The following UPF1 variants were observed in gnomAD, a reference collection of about 807,000 sequenced individuals.
The protein encoded by UPF1 is UPF1 RNA helicase and ATPase, also known as regulator of nonsense transcripts 1.
A neutral mutation model predicts 129.2 loss-of-function variants in UPF1; 9 were observed. The ratio of observed to expected loss-of-function variants is 0.07; its 90% CI spans 0.04 to 0.12. The LOEUF is 0.12. Among genes scored for constraint, UPF1 ranks in the 10% least tolerant of loss-of-function variants. The probability of loss-of-function intolerance (pLI) is 1.00; values close to 1 mark genes in which losing one functional copy is unlikely to be tolerated. For synonymous variants in UPF1, 649 were observed against 644.9 expected (o/e 1.01, Z -0.10); for missense variants, 788 against 1,525.3 (o/e 0.52, Z 8.05).
intron 1 of UPF1, among the ~76,000 whole-genome samples, chr19:18,835,682 G>A (rs1052515036): frequency 1.3e-5 from 2 of 152,152 alleles, no homozygotes; most frequent in African/African-American, 4.8e-5. Flanking sequence ...TTCCATGGGT[G>A]GAATGGTCCA....
intron 2 of UPF1, 95 bp downstream of exon 2, chr19:18,846,214 C>T: frequency 6.5e-7 from 1 of 1,546,042 alleles, no homozygotes; most frequent in Non-Finnish European, 8.8e-7. Context: ...CAGGGTGGCG[C>T]CCTTGTGCTG....
intron 1 of UPF1, among the ~76,000 whole-genome samples, chr19:18,835,386 G>A (rs2055473194): frequency 6.6e-6 from 1 of 151,818 alleles, no homozygotes; most frequent in Non-Finnish European, 1.5e-5. Flanking sequence ...CTGTTGCCCA[G>A]GCTGGGGTGC....
chr19:18,859,222 C>T (rs2055750896), intron 15 of UPF1, among the ~76,000 whole-genome samples: 1 of 152,192 alleles, frequency 6.6e-6, no homozygotes, highest in Non-Finnish European at 1.5e-5. Flanking sequence ...CCTCATGGTC[C>T]CCAGGGCATC....
At chr19:18,843,517 T>TG (rs1491313444) in intron 1 of UPF1, among the ~76,000 whole-genome samples, 1 of 90,504 alleles carries the variant, frequency 1.1e-5, no homozygotes, top group African/African-American at 3.8e-5. Context: ...TGACTTTCTT[T>TG]GTTTTTTTTT....
Position 18,846,133 on chromosome 19 carries a change from AGCTGG to A in UPF1, c.371+17_371+21del. The A allele has an allele frequency of 6.2e-7, 1 of 1,613,730 alleles. No homozygotes were observed. The highest frequency in any genetic ancestry group is 2.2e-5 in the East Asian group (1 of 44,882). On this transcript the variant is annotated intron_variant, in intron 2 of 23. Coordinates refer to ENST00000262803, the MANE Select transcript of UPF1 (RefSeq NM_002911.4). ...ACACGCCTGCAGGTGAGCTGAGCTCAGCTGGGCCTGGGCATGTGCTGGACAGGTGG... is the reference window on the plus strand; with the variant it reads ...ACACGCCTGCAGGTGAGCTGAGCTCAGCCTGGGCATGTGCTGGACAGGTGG...
rs1177236318 is a variant in UPF1 at position 18,855,995 on chromosome 19, C to G, written c.1615C>G (p.Leu539Val). The G allele has an allele frequency of 6.2e-7, 1 of 1,613,986 alleles. No individual in the cohort carries two copies. Among genetic ancestry groups the G allele is most frequent in the Non-Finnish European group, 8.5e-7 (1 of 1,180,034 alleles). Residue 539 changes from leucine (L) to valine (V), a missense_variant, in exon 12 of 24, where the codon CTA becomes GTA. By Grantham distance (32) the Leu-to-Val change is conservative (BLOSUM62 1). Around this residue, in one of 6 missense-constraint regions of UPF1, gnomAD observed 91 missense variants for 157.2 expected, o/e 0.58. Transcript: ENST00000262803. ...QLTEKIHQTGLKVVRLCAKSR... is the reference protein window; with the variant it reads ...QLTEKIHQTGVKVVRLCAKSR... Reference sequence around the variant, plus strand: ...AACGGAGAAGATCCACCAGACGGGGCTAAAGGTCGTGCGCCTCTGCGCCAA... The same window carrying G: ...AACGGAGAAGATCCACCAGACGGGGGTAAAGGTCGTGCGCCTCTGCGCCAA...
At position 18,865,175 on chromosome 19, in the gene UPF1, G is replaced by T. The variant is rs1025758348; in HGVS notation, c.2858-114G>T. On this transcript the variant is annotated intron_variant, in intron 20 of 23. Transcript: ENST00000262803. The surrounding 1 kb of genome is among the most constrained non-coding windows in gnomAD (Gnocchi z 6.1). ...CCTGCGAATCCGCATCTTCAGCCTGGGCAGAGCCAGGACAGATGTGCAGCT... is the reference window on the plus strand; with the variant it reads ...CCTGCGAATCCGCATCTTCAGCCTGTGCAGAGCCAGGACAGATGTGCAGCT... The T allele has an allele frequency of 9.8e-6, 13 of 1,323,600 alleles. No individual in the cohort carries two copies. The highest frequency in any genetic ancestry group is 1.3e-5 in the Non-Finnish European group (13 of 975,452). The allele number at this position is 1,323,600 out of a possible 1,614,324, so 82.0% of individuals were successfully genotyped here. A position where few individuals can be genotyped will look rare whatever the true frequency, so the allele number is the denominator to read the frequency against.
In UPF1 at chr19:18,855,200, C is replaced by T. The variant is rs766944357; in HGVS notation, c.1502C>T (p.Thr501Met). 12 of 1,613,106 alleles carry T rather than the reference C, an allele frequency of 7.4e-6. No individual in the cohort carries two copies. The highest frequency in any genetic ancestry group is 2.2e-5 in the East Asian group (1 of 44,884). The stretch of plus-strand genomic sequence containing the variant: ...CCGCCAGGCACGGGGAAGACGGTGA[C>T]GTCGGCCACCATCGTCTACCACCTG... ...QGPPGTGKTV[T>M]SATIVYHLAR... Residue 501 changes from threonine to methionine, a missense_variant, in exon 11 of 24, where the codon ACG (threonine) becomes ATG (methionine). Thr to Met is a moderately conservative substitution (Grantham distance 81). Around this residue, in one of 6 missense-constraint regions of UPF1, gnomAD observed 91 missense variants for 157.2 expected, o/e 0.58. Transcript: ENST00000262803.
chr19:18,860,296 G>GT (rs750377670), intron 15 of UPF1, 25 bp from the exon 16 acceptor site: 5 of 1,612,156 alleles, frequency 3.1e-6, no homozygotes, highest in Admixed American at 3.3e-5. Context: ...CTTTTGAAGT[G>GT]TTACTTCTTT....
intron 6 of UPF1, 113 bp from the exon 7 acceptor site, chr19:18,852,859 ACTCACGGCGCCTGCT>A: frequency 1.3e-6 from 1 of 743,290 alleles, no homozygotes; most frequent in East Asian, 2.5e-5. Context: ...TGCAGGTGCC[ACTCACGGCGCCTGCT>A]CTCACGGCAG....
At position 18,864,258 on chromosome 19, in the gene UPF1, C is replaced by T. The variant is rs200386456; in HGVS notation, c.2857+7C>T. 6 of 1,608,798 alleles carry T rather than the reference C, an allele frequency of 3.7e-6. No homozygotes were observed. The highest frequency in any genetic ancestry group is 4.5e-5 in the East Asian group (2 of 44,654). On this transcript the variant is annotated splice_region_variant and intron_variant, in intron 20 of 23. Coordinates refer to ENST00000262803, the MANE Select transcript of UPF1 (RefSeq NM_002911.4). ...TATGATCGGAGCAGCCAGGGTGAGT[C>T]GCTCAGCAGGGGACCTGGCCGACCC...
rs1313432302 is a variant in UPF1, at chr19:18,857,267, G to T, written c.1969-53G>T. Reference sequence around the variant, plus strand: ...CCCTACTTCCTTGCTAGTGTGTGTTGAGGCTGATTCACACCTGAGCTTCTT... The same window carrying T: ...CCCTACTTCCTTGCTAGTGTGTGTTTAGGCTGATTCACACCTGAGCTTCTT... On this transcript the variant is annotated intron_variant, in intron 14 of 23. Transcript: ENST00000262803. 2.0e-5 allele frequency: 32 copies of T among 1,568,050 alleles called. 1 individual carries two copies. The South Asian group carries it at 3.8e-4, about 19-fold the overall frequency.
In UPF1 at chr19:18,867,885, A is replaced by T. The variant is rs1488911995; in HGVS notation, c.*1368A>T. The T allele has an allele frequency of 6.6e-6, 1 of 152,266 alleles. No homozygotes were observed. The allele number at this position is 152,266 out of a possible 1,614,324, so 9.4% of individuals were successfully genotyped here. On this transcript the variant is annotated 3_prime_UTR_variant, in exon 24 of 24. Coordinates refer to ENST00000262803, the MANE Select transcript of UPF1 (RefSeq NM_002911.4). The stretch of plus-strand genomic sequence containing the variant: ...AACACCTCCAGATTCCGGCTTCTAC[A>T]TGGGACAGACGGGGACGCACAGGCC...
chr19:18,855,804 C>T (rs774395671), intron 11 of UPF1, 121 bp from the exon 12 acceptor site: 47 of 1,365,522 alleles, frequency 3.4e-5, no homozygotes, highest in Non-Finnish European at 4.3e-5. Flanking sequence ...GCTGAGATCA[C>T]ACCACTGCAC....
intron 1 of UPF1, among the ~76,000 whole-genome samples, chr19:18,835,794 G>A (rs2055477697): frequency 6.6e-6 from 1 of 152,226 alleles, no homozygotes; most frequent in South Asian, 2.1e-4. Context: ...GGCCATGAGT[G>A]TACAGGTTTC....
chr19:18,844,490 AT>A (rs5827424), intron 1 of UPF1, among the ~76,000 whole-genome samples: 60 of 145,446 alleles, frequency 4.1e-4, no homozygotes, highest in Non-Finnish European at 3.5e-4. Flanking sequence ...CGTCCAGCTA[AT>A]TTTTTTTTTT....
Position 18,855,008 on chromosome 19 carries a change from G to A in UPF1, c.1395G>A (p.Ala465=), listed in dbSNP as rs576490273. Residue 465 remains alanine, a synonymous_variant, in exon 10 of 24, where the codon GCG becomes GCA. Coordinates refer to ENST00000262803, the MANE Select transcript of UPF1 (RefSeq NM_002911.4). ...GCCAGCTGCCCAAGCGCTTCACGGCGCAGGGCCTCCCCGACCTCAACCACT... is the reference window on the plus strand; with the variant it reads ...GCCAGCTGCCCAAGCGCTTCACGGCACAGGGCCTCCCCGACCTCAACCACT... ...IKCQLPKRFT[A]QGLPDLNHSQ... is the part of the protein sequence containing the mutation. 5.0e-6 allele frequency: 8 copies of A among 1,614,048 alleles called. No individual in the cohort carries two copies. Among genetic ancestry groups the A allele is most frequent in the South Asian group, 3.3e-5 (3 of 91,092 alleles).
intron 15 of UPF1, among the ~76,000 whole-genome samples, chr19:18,857,871 G>A (rs1414983816): frequency 2.0e-5 from 3 of 152,234 alleles, no homozygotes; most frequent in African/African-American, 7.2e-5. Flanking sequence ...GCTTCATGAA[G>A]AACAGCTGTT....
intron 1 of UPF1, among the ~76,000 whole-genome samples, chr19:18,837,136 C>CTACA (rs2055492218): frequency 6.6e-6 from 1 of 152,038 alleles, no homozygotes; most frequent in Admixed American, 6.6e-5. Flanking sequence ...GTCACCCAGG[C>CTACA]TGTAGTGCAG....
Sources: allele counts gnomAD v4.1 joint callset (sites outside exome capture counted in the v4.1 genomes callset), GRCh38; gene constraint gnomAD v4.1.1; regional missense constraint gnomAD v4.1.1; non-coding constraint Gnocchi (gnomAD v3.1); transcripts MANE v1.5; gene names NCBI Gene and HGNC (gene_info 2026-07-23, HGNC 2026-07-21).